The following NTM variants were observed in gnomAD, a reference collection of about 807,000 sequenced individuals.
NTM encodes IgLON family member 2.
NTM carries 13 observed loss-of-function variants against 42.1 expected under a neutral mutation model. The ratio of observed to expected loss-of-function variants is 0.31; its 90% CI spans 0.20 to 0.49. The LOEUF (loss-of-function observed/expected upper bound fraction) is 0.49, where lower values mean the gene tolerates loss of function less well. Among genes scored for constraint, NTM ranks in the 20% least tolerant of loss-of-function variants. NTM has a pLI of 0.99. For missense variants in NTM, 373 were observed against 452.8 expected (o/e 0.82, Z 1.60); for synonymous variants, 187 against 179.2 (o/e 1.04, Z -0.35).
chr11:131,452,847 G>A (rs1490899562), intron 1 of NTM, among the ~76,000 whole-genome samples: 3 of 152,182 alleles, frequency 2.0e-5, no homozygotes, highest in Non-Finnish European at 4.4e-5. Context: ...AGATGACTGA[G>A]GCTGCTACTT....
intron 4 of NTM, among the ~76,000 whole-genome samples, chr11:132,215,273 C>G (rs896329346): frequency 6.6e-6 from 1 of 151,888 alleles, no homozygotes; most frequent in Non-Finnish European, 1.5e-5. Flanking sequence ...AACAGCTGAT[C>G]AGGGCTAAGC....
chr11:131,444,960 T>C (rs1156659475), intron 1 of NTM, among the ~76,000 whole-genome samples: 1 of 152,188 alleles, frequency 6.6e-6, no homozygotes, highest in Non-Finnish European at 1.5e-5. Context: ...CTTCTCAAAC[T>C]TTTCCATAAG....
intron 1 of NTM, among the ~76,000 whole-genome samples, chr11:131,499,163 A>G (rs970385401): frequency 2.0e-5 from 3 of 152,190 alleles, no homozygotes; most frequent in African/African-American, 7.2e-5. Flanking sequence ...ATGTCAGGAA[A>G]CATAGATTCG....
At chr11:131,921,917 C>T (rs975015393) in intron 2 of NTM, among the ~76,000 whole-genome samples, 1 of 152,084 alleles carries the variant, frequency 6.6e-6, no homozygotes, top group Admixed American at 6.6e-5. Context: ...TTTCTAGATT[C>T]ATATCCCAAC....
intron 1 of NTM, among the ~76,000 whole-genome samples, chr11:131,806,134 C>T (rs952066314): frequency 1.3e-5 from 2 of 151,988 alleles, no homozygotes; most frequent in African/African-American, 4.8e-5. Context: ...TAAAAGGTGG[C>T]CAATGAGGTA....
At chr11:132,066,224 C>A (rs2056458506) in intron 2 of NTM, among the ~76,000 whole-genome samples, 1 of 152,230 alleles carries the variant, frequency 6.6e-6, no homozygotes, top group African/African-American at 2.4e-5. Flanking sequence ...CTGGTCATTT[C>A]TGTGCCTCTA....
At chr11:131,665,775 T>C (rs942662803) in intron 1 of NTM, among the ~76,000 whole-genome samples, 1 of 152,206 alleles carries the variant, frequency 6.6e-6, no homozygotes, top group African/African-American at 2.4e-5. Context: ...GAACTGGCCG[T>C]GGGCCACGGA....
At chr11:132,220,904 C>T (rs1403315121) in intron 4 of NTM, among the ~76,000 whole-genome samples, 1 of 152,208 alleles carries the variant, frequency 6.6e-6, no homozygotes, top group Admixed American at 6.5e-5. Context: ...GACCCCATCT[C>T]TCAACCAGCA....
At chr11:132,178,587 G>A (rs1047517335) in intron 3 of NTM, among the ~76,000 whole-genome samples, 3 of 151,960 alleles carry the variant, frequency 2.0e-5, no homozygotes, top group Non-Finnish European at 4.4e-5. Context: ...TTGATAGACA[G>A]CCTTTTCAAA....
intron 1 of NTM, among the ~76,000 whole-genome samples, chr11:131,432,839 CTTTTTTTTTTTTTTTTTTTTTT>C (rs377739708): frequency 1.5e-5 from 1 of 68,694 alleles, no homozygotes; most frequent in African/African-American, 6.2e-5. Context: ...ATTTAGCATT[CTTTTTTTTTTTTTTTTTTTTTT>C]TTTTTTTTTT....
At chr11:131,653,748 C>A (rs1175935806) in intron 1 of NTM, among the ~76,000 whole-genome samples, 1 of 152,170 alleles carries the variant, frequency 6.6e-6, no homozygotes, top group Non-Finnish European at 1.5e-5. Context: ...CAAAGCACCC[C>A]CTCAGAGGGC....
intron 2 of NTM, among the ~76,000 whole-genome samples, chr11:131,922,810 A>G (rs1422262316): frequency 6.6e-6 from 1 of 152,206 alleles, no homozygotes; most frequent in Non-Finnish European, 1.5e-5. Flanking sequence ...GGCTAAACTT[A>G]GAATGAAATG....
chr11:131,794,070 T>TG, intron 1 of NTM, among the ~76,000 whole-genome samples: 2 of 152,224 alleles, frequency 1.3e-5, no homozygotes, highest in African/African-American at 4.8e-5. Flanking sequence ...TTCAGACTAC[T>TG]GAACTCATGG....
At chr11:131,939,688 C>A (rs1396726464) in intron 2 of NTM, among the ~76,000 whole-genome samples, 1 of 152,186 alleles carries the variant, frequency 6.6e-6, no homozygotes, top group East Asian at 1.9e-4. Flanking sequence ...CTGATTCTTG[C>A]AAGCTGCTCA....
intron 1 of NTM, among the ~76,000 whole-genome samples, chr11:131,570,488 G>A (rs2057346342): frequency 6.6e-6 from 1 of 152,252 alleles, no homozygotes; most frequent in Non-Finnish European, 1.5e-5. Context: ...TCACAAATTG[G>A]TAGAGTGTTT....
At chr11:132,260,136 G>A (rs984033911) in intron 4 of NTM, among the ~76,000 whole-genome samples, 3 of 152,114 alleles carry the variant, frequency 2.0e-5, no homozygotes, top group East Asian at 1.9e-4. Flanking sequence ...TTTCTAATTA[G>A]CAAAGAACTC....
intron 4 of NTM, among the ~76,000 whole-genome samples, chr11:132,278,936 T>G (rs761175352): frequency 3.9e-5 from 6 of 152,198 alleles, no homozygotes; most frequent in Non-Finnish European, 7.3e-5. Flanking sequence ...AGCAGATCTG[T>G]ACAGCTCAGT....
chr11:131,564,947 G>A (rs577288293), intron 1 of NTM, among the ~76,000 whole-genome samples: 23 of 152,340 alleles, frequency 1.5e-4, no homozygotes, highest in African/African-American at 4.6e-4. Context: ...TGCCCAGGCC[G>A]CAAAGCCCTT....
chr11:131,861,739 G>C (rs775683967), intron 1 of NTM, among the ~76,000 whole-genome samples: 12 of 148,634 alleles, frequency 8.1e-5, no homozygotes, highest in Non-Finnish European at 1.6e-4. Flanking sequence ...AATGCAAAAA[G>C]AAAAAAAAAG....
Sources: allele counts gnomAD v4.1 joint callset (sites outside exome capture counted in the v4.1 genomes callset), GRCh38; gene constraint gnomAD v4.1.1; transcripts MANE v1.5; gene names NCBI Gene and HGNC (gene_info 2026-07-23, HGNC 2026-07-21).